The following BCAS4 variants were observed in gnomAD, a reference collection of about 807,000 sequenced individuals.
BCAS4 encodes breast carcinoma amplified sequence 4, also known as breast carcinoma-amplified sequence 4.
BCAS4 carries 9 observed loss-of-function variants against 15.7 expected under a neutral mutation model. The observed-to-expected ratio is 0.57, with a 90% CI of 0.34 to 1.00. BCAS4 has a LOEUF of 1.00. BCAS4 is among the 50% of genes least tolerant of loss of function. The probability of loss-of-function intolerance (pLI) is 0.02; values close to 1 mark genes in which losing one functional copy is unlikely to be tolerated. For synonymous variants in BCAS4, 101 were observed against 99.5 expected (o/e 1.02, Z -0.09); for missense variants, 225 against 239.1 (o/e 0.94, Z 0.39).
chr20:50,876,672 G>A lies in BCAS4; in HGVS notation c.*64G>A, dbSNP rs896289910. The A allele has an allele frequency of 2.2e-5, 34 of 1,540,372 alleles. No homozygotes were observed. Among genetic ancestry groups the A allele is most frequent in the Non-Finnish European group, 2.5e-5 (29 of 1,148,230 alleles). ...ATTGTGTACACACTGCAGCTTGGGG[G>A]TTTTTTCTTTGTATTGCTGTTTATT... On this transcript the variant is annotated 3_prime_UTR_variant, in exon 5 of 5. Transcript: ENST00000371608.
chr20:50,801,829 G>A (rs2087930175), intron 1 of BCAS4, among the ~76,000 whole-genome samples: 1 of 152,136 alleles, frequency 6.6e-6, no homozygotes, highest in African/African-American at 2.4e-5. Context: ...AGGGACTGAG[G>A]GGAAGGAGGA....
At chr20:50,873,864 C>G (rs936836944) in intron 4 of BCAS4, among the ~76,000 whole-genome samples, 2 of 152,218 alleles carry the variant, frequency 1.3e-5, no homozygotes, top group Non-Finnish European at 2.9e-5. Flanking sequence ...AGGTGCGTCA[C>G]TTGTCCTGGT....
chr20:50,795,201 G>A lies in BCAS4; in HGVS notation c.90+28G>A, dbSNP rs530011560. ...AGGGGACGGGGCTGTGGAGTTGGAG[G>A]AGAGGGTTCTCGCGGTTAGGGGTCC... is the stretch of plus-strand genomic sequence containing the variant. On this transcript the variant is annotated intron_variant, in intron 1 of 4. Coordinates refer to ENST00000371608, the MANE Select transcript of BCAS4 (RefSeq NM_198799.4). 140 of 1,368,256 alleles carry A rather than the reference G, an allele frequency of 1.0e-4. No individual in the cohort carries two copies. The African/African-American group carries it at 2.0e-3, about 19-fold the overall frequency. The allele number at this position is 1,368,256 out of a possible 1,614,324, so 84.8% of individuals were successfully genotyped here. A position where few individuals can be genotyped will look rare whatever the true frequency, so the allele number is the denominator to read the frequency against.
At chr20:50,861,857 T>TC (rs1979095091) in intron 4 of BCAS4, among the ~76,000 whole-genome samples, 1 of 141,554 alleles carries the variant, frequency 7.1e-6, no homozygotes, top group Non-Finnish European at 1.5e-5. Flanking sequence ...TTTTTTTTTT[T>TC]TTTTTTTTTT....
chr20:50,795,116 C>T lies in BCAS4; in HGVS notation c.33C>T (p.Pro11=). Residue 11 remains proline (P), a synonymous_variant, in exon 1 of 5, where the codon CCC becomes CCT. Coordinates refer to ENST00000371608, the MANE Select transcript of BCAS4 (RefSeq NM_198799.4). ...TCGTGGACGCTGATCAGCCGGAGCC[C>T]ATGCGCAGCGGGGCGCGCGAGCTCG... is the stretch of plus-strand genomic sequence containing the variant. The part of the protein sequence containing the change: MLLVDADQPE[P]MRSGARELAL... 1 of 1,492,696 alleles carries T rather than the reference C, an allele frequency of 6.7e-7. No homozygotes were observed. Among genetic ancestry groups the T allele is most frequent in the South Asian group, 1.3e-5 (1 of 79,140 alleles). 92.5% of individuals were successfully genotyped at this position (1,492,696 alleles called of 1,614,324 possible).
At chr20:50,854,482 G>T (rs1301671451) in intron 4 of BCAS4, among the ~76,000 whole-genome samples, 1 of 152,170 alleles carries the variant, frequency 6.6e-6, no homozygotes, top group Non-Finnish European at 1.5e-5. Context: ...CTGCTCAGCT[G>T]CTGTGTAGTG....
chr20:50,852,062 A>G (rs1397248051), intron 4 of BCAS4, among the ~76,000 whole-genome samples: 3 of 152,168 alleles, frequency 2.0e-5, no homozygotes, highest in Non-Finnish European at 4.4e-5. Context: ...TACCTGCCCT[A>G]CTTGGTTCAT....
downstream of BCAS4, chr20:50,881,679 T>G (rs1980119448): frequency 6.6e-6 from 1 of 151,810 alleles, no homozygotes; most frequent in South Asian, 2.1e-4. Flanking sequence ...TTTTTTTTTT[T>G]GAGACAGAGT....
chr20:50,868,582 C>G (rs1979475003), intron 4 of BCAS4, among the ~76,000 whole-genome samples: 1 of 152,158 alleles, frequency 6.6e-6, no homozygotes. Context: ...GCCACCATGA[C>G]CAGCTAATGT....
At chr20:50,818,124 G>A in intron 1 of BCAS4, 87 bp from the exon 2 acceptor site, 1 of 1,245,608 alleles carries the variant, frequency 8.0e-7, no homozygotes, top group East Asian at 2.5e-5. Context: ...CTAAGACTTA[G>A]TTTGCTTTAA....
chr20:50,863,949 C>A (rs563180775), intron 4 of BCAS4, among the ~76,000 whole-genome samples: 34 of 152,268 alleles, frequency 2.2e-4, no homozygotes, highest in African/African-American at 7.2e-4. Flanking sequence ...GCTCATGTGC[C>A]CCCCCAAATT....
chr20:50,855,026 G>A (rs949586753), intron 4 of BCAS4, among the ~76,000 whole-genome samples: 3 of 152,208 alleles, frequency 2.0e-5, no homozygotes, highest in African/African-American at 7.2e-5. Context: ...TGTGTCTCAA[G>A]CCATGCTGGG....
chr20:50,817,925 G>A (rs961511819), intron 1 of BCAS4, among the ~76,000 whole-genome samples: 1 of 151,986 alleles, frequency 6.6e-6, no homozygotes, highest in Admixed American at 6.6e-5. Context: ...TCTGTACAAC[G>A]TGGAGGATAC....
chr20:50,842,004 A>T (rs2088489430), intron 4 of BCAS4, 104 bp downstream of exon 4: 1 of 1,366,612 alleles, frequency 7.3e-7, no homozygotes, highest in Admixed American at 2.9e-5. Context: ...AGGGGGGCAC[A>T]TTTCACTTCT....
intron 4 of BCAS4, among the ~76,000 whole-genome samples, chr20:50,844,103 C>A (rs1035802703): frequency 1.3e-5 from 2 of 151,722 alleles, no homozygotes; most frequent in Non-Finnish European, 2.9e-5. Context: ...GAGCCGAGAT[C>A]GCATGACTGC....
chr20:50,836,013 G>A (rs146075682), intron 3 of BCAS4, among the ~76,000 whole-genome samples: 2,266 of 151,738 alleles, frequency 0.015, 56 homozygotes, highest in African/African-American at 0.052. Flanking sequence ...TGCCTCCCAC[G>A]TTCAAGTGAT....
chr20:50,806,478 G>A (rs1053285329), intron 1 of BCAS4, among the ~76,000 whole-genome samples: 11 of 152,124 alleles, frequency 7.2e-5, no homozygotes, highest in African/African-American at 2.7e-4. Flanking sequence ...GCAACTTCAA[G>A]CATCTGCCAT....
intron 2 of BCAS4, among the ~76,000 whole-genome samples, chr20:50,826,639 C>T (rs1054639273): frequency 6.6e-6 from 1 of 152,032 alleles, no homozygotes; most frequent in Non-Finnish European, 1.5e-5. Flanking sequence ...GAGCTCCTGG[C>T]CTCCATTGTT....
chr20:50,848,389 C>T (rs2123817096), intron 4 of BCAS4, among the ~76,000 whole-genome samples: 1 of 152,308 alleles, frequency 6.6e-6, no homozygotes, highest in South Asian at 2.1e-4. Flanking sequence ...AGAAAGAGCG[C>T]TCCCGGCCAA....
Sources: gnomAD v4.1 joint callset for allele counts (sites outside exome capture counted in the v4.1 genomes callset) on GRCh38, gnomAD v4.1.1 for gene constraint, MANE v1.5 for transcripts, NCBI Gene and HGNC (gene_info 2026-07-23, HGNC 2026-07-21) for gene names.